Variants in CELF2 observed in about 807,000 individuals in gnomAD.
The protein encoded by CELF2 is CUG triplet repeat RNA-binding protein 2.
Under a neutral mutation model 62.6 loss-of-function variants are expected in CELF2, and 8 were observed. The ratio of observed to expected loss-of-function variants is 0.13; its 90% CI spans 0.07 to 0.23. CELF2 has a LOEUF of 0.23. Among genes scored for constraint, CELF2 ranks in the 10% least tolerant of loss-of-function variants. The pLI is 1.00. For synonymous variants in CELF2, 258 were observed against 250.0 expected (o/e 1.03, Z -0.30); for missense variants, 333 against 671.0 (o/e 0.50, Z 5.56).
At chr10:10,841,213 G>A (rs1025298988) in intron 1 of CELF2, among the ~76,000 whole-genome samples, 4 of 151,962 alleles carry the variant, frequency 2.6e-5, no homozygotes, top group African/African-American at 9.7e-5. Context: ...TCCAGTAATG[G>A]GATTGCTGGG....
chr10:10,570,244 C>A, the CELF2 span, among the ~76,000 whole-genome samples: 2 of 152,156 alleles, frequency 1.3e-5, no homozygotes, highest in Admixed American at 1.3e-4. Flanking sequence ...GCCTGAAGAG[C>A]CCTGAAGCAC....
intron 1 of CELF2, among the ~76,000 whole-genome samples, chr10:11,112,373 G>A (rs138754946): frequency 6.6e-6 from 1 of 152,220 alleles, no homozygotes; most frequent in Admixed American, 6.5e-5. Flanking sequence ...TACGGGAAAG[G>A]GAGTCAGAAA....
intron 2 of CELF2, among the ~76,000 whole-genome samples, chr10:10,977,511 C>T (rs1228899203): frequency 6.6e-6 from 1 of 152,038 alleles, no homozygotes; most frequent in African/African-American, 2.4e-5. Context: ...ATAAAATGTT[C>T]CCTTCTTTGA....
At chr10:11,322,892 C>G (rs941235541) in intron 11 of CELF2, among the ~76,000 whole-genome samples, 5 of 152,042 alleles carry the variant, frequency 3.3e-5, no homozygotes, top group Non-Finnish European at 7.4e-5. Flanking sequence ...TTCCTTTTCT[C>G]TGTGGTCTGA....
chr10:11,228,686 A>C (rs111582320), intron 3 of CELF2, among the ~76,000 whole-genome samples: 4 of 149,890 alleles, frequency 2.7e-5, no homozygotes, highest in African/African-American at 9.9e-5. Context: ...TCATAGAGGC[A>C]CTATAATCAC....
intron 2 of CELF2, chr10:10,966,667 G>A (rs945801939): frequency 2.6e-5 from 4 of 152,160 alleles, no homozygotes; most frequent in Admixed American, 1.3e-4. Context: ...GTTTCATGTC[G>A]AGAAAGAGAA....
the CELF2 span, among the ~76,000 whole-genome samples, chr10:10,705,835 A>G: frequency 6.6e-6 from 1 of 152,148 alleles, no homozygotes; most frequent in East Asian, 1.9e-4. Context: ...GCCATGAACA[A>G]TTCTAAATTA....
the CELF2 span, among the ~76,000 whole-genome samples, chr10:10,658,083 A>G: frequency 6.6e-6 from 1 of 152,206 alleles, no homozygotes; most frequent in Non-Finnish European, 1.5e-5. Context: ...ATAAAACGTC[A>G]AAGCTTGAAG....
chr10:11,333,129 C>CT lies in CELF2; in HGVS notation c.*4077dup, dbSNP rs1566061225. 1 of 152,218 alleles carries CT rather than the reference C, an allele frequency of 6.6e-6. No individual in the cohort carries two copies. Among genetic ancestry groups the CT allele is most frequent in the East Asian group, 1.9e-4 (1 of 5,196 alleles). The allele number at this position is 152,218 out of a possible 1,614,324, so 9.4% of individuals were successfully genotyped here. A position where few individuals can be genotyped will look rare whatever the true frequency, so the allele number is the denominator to read the frequency against. On this transcript the variant is annotated 3_prime_UTR_variant, in exon 13 of 13. Transcript: ENST00000633077. ...GCATGCATCTCCCCCAGAGGAAACA[C>CT]TGAGGGTAGGGGACAGGAGGCTCAG...
chr10:10,650,344 T>A, the CELF2 span, among the ~76,000 whole-genome samples: 1 of 152,228 alleles, frequency 6.6e-6, no homozygotes, highest in Admixed American at 6.5e-5. Context: ...AAACTTTTGC[T>A]CTTCATCTTG....
chr10:10,732,064 G>T, the CELF2 span, among the ~76,000 whole-genome samples: 1 of 151,970 alleles, frequency 6.6e-6, no homozygotes, highest in African/African-American at 2.4e-5. Flanking sequence ...CTGGAAAAGG[G>T]AACAAAAACC....
the CELF2 span, among the ~76,000 whole-genome samples, chr10:10,562,587 C>T: frequency 6.6e-6 from 1 of 152,272 alleles, no homozygotes; most frequent in Admixed American, 6.5e-5. Context: ...GCTGTCCTTT[C>T]TAGCGACCTC....
the CELF2 span, among the ~76,000 whole-genome samples, chr10:10,752,688 C>CA: frequency 0.025 from 1,459 of 58,794 alleles, 74 homozygotes; most frequent in African/African-American, 0.043. Context: ...GACTCCGTCT[C>CA]AAAAAAAAAA....
chr10:10,551,801 G>A, the CELF2 span, among the ~76,000 whole-genome samples: 1 of 151,988 alleles, frequency 6.6e-6, no homozygotes, highest in South Asian at 2.1e-4. Context: ...TTCCAATGTT[G>A]ATATTTAACT....
intron 1 of CELF2, among the ~76,000 whole-genome samples, chr10:11,071,102 TTTTA>T (rs1298841162): frequency 2.6e-5 from 4 of 152,226 alleles, no homozygotes; most frequent in Non-Finnish European, 4.4e-5. Flanking sequence ...CTTGTTTATG[TTTTA>T]TTTATCGAGG....
In CELF2 at chr10:11,335,483, T is replaced by A. The variant is rs2096102322; in HGVS notation, c.*6430T>A. The A allele has an allele frequency of 6.6e-6, 1 of 152,214 alleles. No individual in the cohort carries two copies. Among genetic ancestry groups the A allele is most frequent in the Non-Finnish European group, 1.5e-5 (1 of 68,064 alleles). 9.4% of individuals were successfully genotyped at this position (152,214 alleles called of 1,614,324 possible). A position where few individuals can be genotyped will look rare whatever the true frequency, so the allele number is the denominator to read the frequency against. On this transcript the variant is annotated 3_prime_UTR_variant, in exon 13 of 13. Transcript: ENST00000633077. The surrounding 1 kb of genome is among the most constrained non-coding windows in gnomAD (Gnocchi z 5.0). ...TGGCCCGAGATTGTATTTTCTAGTC[T>A]GCTCAAGAACAGAGGGGCCTGGCGA... is the stretch of plus-strand genomic sequence containing the variant.
rs1416756788 is a variant in CELF2 at position 11,211,807 on chromosome 10, AGAGAGAGTGTGTGTGT to A, written c.272-5616_272-5601del. Among the ~76,000 whole-genome samples, 7 of 120,636 alleles carry A rather than the reference AGAGAGAGTGTGTGTGT, an allele frequency of 5.8e-5. No homozygotes were observed. Among genetic ancestry groups the A allele is most frequent in the Admixed American group, 1.7e-4 (2 of 11,908 alleles). 79.1% of individuals were successfully genotyped at this position (120,636 alleles called of 152,430 possible). On this transcript the variant is annotated intron_variant, in intron 2 of 12. Transcript: ENST00000633077. The surrounding 1 kb of genome is among the most constrained non-coding windows in gnomAD (Gnocchi z 4.8). ...GTATGTGTGTGAGAGAGAGAGAGAG[AGAGAGAGTGTGTGTGT>A]GTGTGTGTGTGTGTGTGTGTGTGTG... is the stretch of plus-strand genomic sequence containing the variant.
At chr10:11,241,780 G>A (rs987222306) in intron 3 of CELF2, among the ~76,000 whole-genome samples, 19 of 152,136 alleles carry the variant, frequency 1.2e-4, no homozygotes, top group African/African-American at 4.6e-4. Context: ...TGGGTTGGGG[G>A]TGTCTTCCTA....
At position 11,242,378 on chromosome 10, in the gene CELF2, G is replaced by A. The variant is rs1173751980; in HGVS notation, c.355-6775G>A. Among the ~76,000 whole-genome samples the A allele has an allele frequency of 6.6e-6, 1 of 152,126 alleles. No homozygotes were observed. The highest frequency in any genetic ancestry group is 1.5e-5 in the Non-Finnish European group (1 of 68,014). On this transcript the variant is annotated intron_variant, in intron 3 of 12. Transcript: ENST00000633077. This position sits in a 1 kb window ranked among gnomAD's most constrained non-coding sequence, Gnocchi z 4.8. ...TGCCCGCAGCTGCTTCCTTCCCCCA[G>A]GACTCTGTCTCCAGACTAGGCCTGT...
Sources: allele counts gnomAD v4.1 joint callset (sites outside exome capture counted in the v4.1 genomes callset), GRCh38; gene constraint gnomAD v4.1.1; non-coding constraint Gnocchi (gnomAD v3.1); transcripts MANE v1.5; gene names NCBI Gene and HGNC (gene_info 2026-07-23, HGNC 2026-07-21).